The following ZSWIM6 variants were observed in gnomAD, a reference collection of about 807,000 sequenced individuals.
ZSWIM6 encodes zinc finger SWIM domain-containing protein 6.
In ZSWIM6, 9 loss-of-function variants were observed where a neutral mutation model predicts 113.2. The observed-to-expected ratio is 0.08, with a 90% CI of 0.05 to 0.14. The LOEUF is 0.14. Among genes scored for constraint, ZSWIM6 ranks in the 10% least tolerant of loss-of-function variants. The probability of loss-of-function intolerance (pLI) is 1.00; values close to 1 mark genes in which losing one functional copy is unlikely to be tolerated. For missense variants in ZSWIM6, 1,162 were observed against 1,552.2 expected (o/e 0.75, Z 4.22); for synonymous variants, 611 against 606.5 (o/e 1.01, Z -0.11).
intron 1 of ZSWIM6, among the ~76,000 whole-genome samples, chr5:61,355,840 GTAT>G (rs1200088246): frequency 2.6e-5 from 4 of 152,156 alleles, no homozygotes; most frequent in African/African-American, 9.7e-5. Context: ...TGTGTTAAAA[GTAT>G]TATTAGAATT....
At chr5:61,506,510 G>A (rs1243226445) in intron 4 of ZSWIM6, among the ~76,000 whole-genome samples, 1 of 151,914 alleles carries the variant, frequency 6.6e-6, no homozygotes, top group African/African-American at 2.4e-5. Flanking sequence ...AGAGGCAGAG[G>A]TTGCAATGAG....
intron 1 of ZSWIM6, among the ~76,000 whole-genome samples, chr5:61,449,871 G>A (rs548519588): frequency 6.6e-6 from 1 of 152,180 alleles, no homozygotes; most frequent in Non-Finnish European, 1.5e-5. Context: ...TTGATCTCCA[G>A]GTGTGACCAG....
intron 4 of ZSWIM6, among the ~76,000 whole-genome samples, chr5:61,499,755 G>A (rs149717498): frequency 1.0e-3 from 157 of 152,256 alleles, no homozygotes; most frequent in African/African-American, 3.6e-3. Context: ...TTGCTGTTCT[G>A]TATTGTTGCT....
At chr5:61,351,244 C>A (rs1214806863) in intron 1 of ZSWIM6, among the ~76,000 whole-genome samples, 1 of 152,134 alleles carries the variant, frequency 6.6e-6, no homozygotes. Flanking sequence ...TCACTTGGAA[C>A]TCTAGAATTT....
chr5:61,353,810 A>G (rs974879273), intron 1 of ZSWIM6, among the ~76,000 whole-genome samples: 4 of 152,054 alleles, frequency 2.6e-5, no homozygotes, highest in African/African-American at 9.7e-5. Context: ...TTAGTGGGAG[A>G]CTGGGGCAAT....
At chr5:61,371,434 T>G (rs1296245535) in intron 1 of ZSWIM6, among the ~76,000 whole-genome samples, 1 of 152,274 alleles carries the variant, frequency 6.6e-6, no homozygotes, top group African/African-American at 2.4e-5. Context: ...AATAATTGGC[T>G]AATTTCTTTA....
intron 4 of ZSWIM6, among the ~76,000 whole-genome samples, chr5:61,508,089 C>T (rs370717417): frequency 4.0e-4 from 61 of 152,218 alleles, no homozygotes; most frequent in African/African-American, 1.2e-3. Context: ...ATCTATAAAG[C>T]GGGCTTCTTT....
intron 1 of ZSWIM6, among the ~76,000 whole-genome samples, chr5:61,464,158 ATTTTTTTTTTTTTTTTTTTTT>A (rs869288331): frequency 2.3e-5 from 1 of 43,514 alleles, no homozygotes; most frequent in Non-Finnish European, 4.1e-5. Flanking sequence ...CACCCGGCTA[ATTTTTTTTTTTTTTTTTTTTT>A]TTTTTTTTTT....
chr5:61,520,642 G>C (rs1431689951), intron 4 of ZSWIM6, among the ~76,000 whole-genome samples: 1 of 151,220 alleles, frequency 6.6e-6, no homozygotes, highest in Non-Finnish European at 1.5e-5. Flanking sequence ...GCTTTTTTTT[G>C]CCCCAAACTA....
chr5:61,537,300 C>G (rs902726997), intron 10 of ZSWIM6, among the ~76,000 whole-genome samples: 3 of 152,162 alleles, frequency 2.0e-5, no homozygotes, highest in Non-Finnish European at 4.4e-5. Context: ...TCCACTTTCT[C>G]TCTTCTATCT....
intron 1 of ZSWIM6, among the ~76,000 whole-genome samples, chr5:61,412,565 C>G (rs1746167973): frequency 6.6e-6 from 1 of 152,128 alleles, no homozygotes; most frequent in Non-Finnish European, 1.5e-5. Flanking sequence ...TGGGCTACTT[C>G]TTGGCTTGCG....
At chr5:61,365,820 G>T (rs574707097) in intron 1 of ZSWIM6, among the ~76,000 whole-genome samples, 42 of 152,306 alleles carry the variant, frequency 2.8e-4, no homozygotes, top group African/African-American at 1.0e-3. Context: ...ACCATATTTG[G>T]CAGTAAGTTT....
At chr5:61,397,510 C>T (rs1745861752) in intron 1 of ZSWIM6, among the ~76,000 whole-genome samples, 1 of 151,884 alleles carries the variant, frequency 6.6e-6, no homozygotes, top group African/African-American at 2.4e-5. Context: ...GGGACTGTGG[C>T]ATGCACAGCC....
chr5:61,456,500 T>C (rs763597052), intron 1 of ZSWIM6, among the ~76,000 whole-genome samples: 6 of 152,216 alleles, frequency 3.9e-5, no homozygotes, highest in Non-Finnish European at 8.8e-5. Flanking sequence ...TAACTGCAGA[T>C]GTCCCCAGCT....
intron 1 of ZSWIM6, among the ~76,000 whole-genome samples, chr5:61,462,073 G>A (rs1329446347): frequency 6.6e-6 from 1 of 152,180 alleles, no homozygotes; most frequent in Non-Finnish European, 1.5e-5. Flanking sequence ...GTCCTTGCAG[G>A]AGCTAGTGTT....
At position 61,544,344 on chromosome 5, in the gene ZSWIM6, G is replaced by A. The variant is rs1418530271; in HGVS notation, c.*27G>A. The A allele has an allele frequency of 1.7e-5, 2 of 121,042 alleles. No individual in the cohort carries two copies. The highest frequency in any genetic ancestry group is 2.5e-4 in the South Asian group (1 of 3,942). The allele number at this position is 121,042 out of a possible 1,614,324, so 7.5% of individuals were successfully genotyped here. A position where few individuals can be genotyped will look rare whatever the true frequency, so the allele number is the denominator to read the frequency against. The stretch of plus-strand genomic sequence containing the variant: ...AGATCTTGTATGAATGGGGTGGGGG[G>A]TGGGGATGGGAGGGATGGTTTGTTT... On this transcript the variant is annotated 3_prime_UTR_variant, in exon 14 of 14. Transcript: ENST00000252744.
At chr5:61,375,806 G>A in intron 1 of ZSWIM6, 3 of 1,350,848 alleles carry the variant, frequency 2.2e-6, no homozygotes, top group Non-Finnish European at 3.1e-6. Flanking sequence ...AAGAAACACA[G>A]TAAGAAGAAG....
chr5:61,521,634 G>A (rs147646920), intron 5 of ZSWIM6, among the ~76,000 whole-genome samples, 192 bp downstream of exon 5: 1 of 152,130 alleles, frequency 6.6e-6, no homozygotes, highest in African/African-American at 2.4e-5. Context: ...TGAGATATTT[G>A]TATACTTTTT....
At chr5:61,375,026 G>A in intron 1 of ZSWIM6, 2 of 1,220,930 alleles carry the variant, frequency 1.6e-6, no homozygotes, top group African/African-American at 3.0e-5. Flanking sequence ...GTAATGAGAG[G>A]TGGGACCAAG....
Sources: gnomAD v4.1 joint callset for allele counts (sites outside exome capture counted in the v4.1 genomes callset) on GRCh38, gnomAD v4.1.1 for gene constraint, MANE v1.5 for transcripts, NCBI Gene and HGNC (gene_info 2026-07-23, HGNC 2026-07-21) for gene names.